DCC: variants seen among roughly 807,000 people sequenced by gnomAD.
DCC encodes DCC netrin 1 receptor.
DCC carries 58 observed loss-of-function variants against 172.5 expected under a neutral mutation model. The ratio of observed to expected loss-of-function variants is 0.34; its 90% CI spans 0.27 to 0.42. The LOEUF (loss-of-function observed/expected upper bound fraction) is 0.42. Ranked by LOEUF, DCC falls within the 10% of genes least tolerant of loss-of-function variation. The pLI, the probability that DCC is intolerant of heterozygous loss-of-function variation, is 1.00. For missense variants in DCC, 1,740 were observed against 1,791.0 expected, an observed-to-expected ratio of 0.97 and a Z score of 0.51; for synonymous variants, 709 against 644.5, an observed-to-expected ratio of 1.10 and a Z score of -1.52.
chr18:53,070,952 T>C (rs1412513802), intron 7 of DCC, among the ~76,000 whole-genome samples: 1 of 152,184 alleles, frequency 6.6e-6, no homozygotes, highest in Non-Finnish European at 1.5e-5. Context: ...AGGCTGACCA[T>C]GGTGGGAAGA....
rs779661533 is a variant in DCC, at chr18:53,205,300, A to T, written c.1658A>T (p.Tyr553Phe). 4.3e-6 allele frequency: 7 copies of T among 1,613,794 alleles called. No individual in the cohort carries two copies. The highest frequency in any genetic ancestry group is 1.3e-5 in the African/African-American group (1 of 74,880). ...CTTATTACCTGGGAACCCCCTGCCT[A>T]TGCAAACGGTCCAGTCCAAGGTTAC... ...SILITWEPPA[Y>F]ANGPVQGYRL... The change falls in exon 10 of 29, where the codon TAT becomes TTT. Residue 553 changes from tyrosine (Y) to phenylalanine (F), a missense_variant. Around this residue, in one of 2 missense-constraint regions of DCC, gnomAD observed 1,732 missense variants for 1,767.4 expected, o/e 0.98. Transcript: ENST00000442544.
rs923987735 is a variant in DCC, at chr18:53,468,713, A to G, written c.3736+703A>G. 2.0e-5 allele frequency among the ~76,000 whole-genome samples: 3 copies of G among 152,246 alleles called. No individual in the cohort carries two copies. The East Asian group carries it at 5.8e-4, about 29-fold the overall frequency. Reference sequence around the variant, plus strand: ...AGCTTTTTAAATAAACTTTTTAATGAGTCTAATTCTCACACTTAAATAATC... The same window carrying G: ...AGCTTTTTAAATAAACTTTTTAATGGGTCTAATTCTCACACTTAAATAATC... On this transcript the variant is annotated intron_variant, in intron 25 of 28. Transcript: ENST00000442544.
chr18:53,091,811 A>C (rs878924123), intron 7 of DCC, among the ~76,000 whole-genome samples: 123 of 141,268 alleles, frequency 8.7e-4, no homozygotes, highest in African/African-American at 3.0e-3. Flanking sequence ...CACTGTACAT[A>C]TATCTATCTA....
intron 1 of DCC, among the ~76,000 whole-genome samples, chr18:52,542,367 A>G (rs72930415): frequency 0.025 from 3,804 of 152,278 alleles, 76 homozygotes; most frequent in Non-Finnish European, 0.039. Flanking sequence ...AGTGTCAGCA[A>G]AAGTAATTTA....
chr18:53,519,083 T>A (rs184747587), intron 27 of DCC, among the ~76,000 whole-genome samples: 1 of 152,160 alleles, frequency 6.6e-6, no homozygotes, highest in Non-Finnish European at 1.5e-5. Context: ...TCTTCCTAAG[T>A]CTTAAGGAGA....
At chr18:52,923,162 G>A (rs1444704563) in intron 3 of DCC, among the ~76,000 whole-genome samples, 1 of 152,074 alleles carries the variant, frequency 6.6e-6, no homozygotes, top group East Asian at 1.9e-4. Context: ...ACCAACTTCA[G>A]TTATATAAAT....
chr18:52,516,293 T>C (rs560346580), intron 1 of DCC, among the ~76,000 whole-genome samples: 63 of 152,354 alleles, frequency 4.1e-4, no homozygotes, highest in African/African-American at 1.4e-3. Flanking sequence ...TAAGTGTTTA[T>C]ATCAGTTTTA....
At chr18:53,356,788 C>G (rs1355645119) in intron 15 of DCC, among the ~76,000 whole-genome samples, 1 of 152,148 alleles carries the variant, frequency 6.6e-6, no homozygotes, top group Non-Finnish European at 1.5e-5. Context: ...TGGTATTCTT[C>G]CCCATCAAAC....
chr18:52,755,501 G>A (rs966300480), intron 2 of DCC, among the ~76,000 whole-genome samples: 2 of 152,298 alleles, frequency 1.3e-5, no homozygotes, highest in Admixed American at 6.5e-5. Context: ...CAATAAGGCT[G>A]TTCACAGCAT....
At chr18:52,978,062 G>A (rs2145598942) in intron 5 of DCC, among the ~76,000 whole-genome samples, 1 of 152,054 alleles carries the variant, frequency 6.6e-6, no homozygotes, top group East Asian at 1.9e-4. Context: ...GTGCAGAGAA[G>A]GGTGGGGGTG....
chr18:52,486,284 A>G (rs2030219558), intron 1 of DCC, among the ~76,000 whole-genome samples: 1 of 152,108 alleles, frequency 6.6e-6, no homozygotes, highest in African/African-American at 2.4e-5. Context: ...CAGCGTTTAG[A>G]AACAGGTCTT....
intron 7 of DCC, among the ~76,000 whole-genome samples, chr18:53,071,585 A>G (rs1437301888): frequency 6.6e-6 from 1 of 152,196 alleles, no homozygotes; most frequent in African/African-American, 2.4e-5. Context: ...TGCATATATT[A>G]CATTAAAAAT....
chr18:53,015,651 T>A (rs1047285338), intron 5 of DCC, among the ~76,000 whole-genome samples: 2 of 152,180 alleles, frequency 1.3e-5, no homozygotes, highest in Non-Finnish European at 2.9e-5. Context: ...CAATGTTTTT[T>A]AAATAAAATG....
rs532382491 is a variant in DCC at position 52,902,030 on chromosome 18, A to G, written c.413-4014A>G. On this transcript the variant is annotated intron_variant, in intron 2 of 28. Coordinates refer to ENST00000442544, the MANE Select transcript of DCC (RefSeq NM_005215.4). ...TTGATTGAGTACCTAAAACATGACT[A>G]GAGATTTGATAGGTAGATGTTAGCA... is the stretch of plus-strand genomic sequence containing the variant. 3.3e-5 allele frequency among the ~76,000 whole-genome samples: 5 copies of G among 152,302 alleles called. No homozygotes were observed. In the East Asian group the frequency reaches 9.7e-4, roughly 29 times the overall value.
chr18:52,737,360 GA>G (rs1454958100), intron 1 of DCC, among the ~76,000 whole-genome samples: 8 of 151,986 alleles, frequency 5.3e-5, no homozygotes, highest in Admixed American at 3.9e-4. Flanking sequence ...TAAAGCCAAT[GA>G]AAAAAACTCT....
Position 53,118,350 on chromosome 18 carries a change from G to A in DCC, c.1262-39006G>A, listed in dbSNP as rs533650126. ...AAATAATACTGCATCATAGTGTTTC[G>A]TATATAAAGCATGTAGTTTTATAAC... is the stretch of plus-strand genomic sequence containing the variant. On this transcript the variant is annotated intron_variant, in intron 7 of 28. Transcript: ENST00000442544. 5.9e-5 allele frequency among the ~76,000 whole-genome samples: 9 copies of A among 151,670 alleles called. No individual in the cohort carries two copies. The South Asian group carries it at 8.3e-4, about 14-fold the overall frequency.
chr18:52,869,701 C>T (rs1000603169), intron 2 of DCC, among the ~76,000 whole-genome samples: 1 of 152,230 alleles, frequency 6.6e-6, no homozygotes, highest in African/African-American at 2.4e-5. Flanking sequence ...CTCGTCAGCA[C>T]CCAAAGTCTA....
At chr18:52,371,538 C>T (rs1282791318) in intron 1 of DCC, among the ~76,000 whole-genome samples, 1 of 152,198 alleles carries the variant, frequency 6.6e-6, no homozygotes, top group African/African-American at 2.4e-5. Context: ...GTTGTTAACT[C>T]TTTTAATTCC....
chr18:52,605,382 A>G (rs2034112246), intron 1 of DCC, among the ~76,000 whole-genome samples: 1 of 152,164 alleles, frequency 6.6e-6, no homozygotes, highest in African/African-American at 2.4e-5. Flanking sequence ...AGAGACTGCA[A>G]TTACAACTAA....
Sources: gnomAD v4.1 joint callset for allele counts (sites outside exome capture counted in the v4.1 genomes callset) on GRCh38, gnomAD v4.1.1 for gene constraint, gnomAD v4.1.1 regional missense constraint, MANE v1.5 for transcripts, NCBI Gene and HGNC (gene_info 2026-07-23, HGNC 2026-07-21) for gene names.